The following TMTC2 variants were observed in gnomAD, a reference collection of about 807,000 sequenced individuals.
The protein encoded by TMTC2 is protein O-mannosyl-transferase TMTC2.
A neutral mutation model predicts 82.4 loss-of-function variants in TMTC2; 43 were observed. The observed-to-expected ratio is 0.52, with a 90% CI of 0.41 to 0.67. The LOEUF (loss-of-function observed/expected upper bound fraction) is 0.67, where lower values mean the gene tolerates loss of function less well. Among genes scored for constraint, TMTC2 ranks in the 30% least tolerant of loss-of-function variants. The pLI, the probability that TMTC2 is intolerant of heterozygous loss-of-function variation, is 0.00. For synonymous variants in TMTC2, 408 were observed against 381.9 expected (o/e 1.07, Z -0.80); for missense variants, 919 against 1,012.4 (o/e 0.91, Z 1.25).
intron 2 of TMTC2, among the ~76,000 whole-genome samples, chr12:82,880,345 A>G (rs1872761728): frequency 6.6e-6 from 1 of 152,172 alleles, no homozygotes; most frequent in South Asian, 2.1e-4. Flanking sequence ...CAATGTTAAG[A>G]CTTTTTATCC....
chr12:83,076,925 A>C (rs1257586597), intron 11 of TMTC2, among the ~76,000 whole-genome samples: 3 of 152,182 alleles, frequency 2.0e-5, no homozygotes, highest in Non-Finnish European at 4.4e-5. Context: ...AACATTAGGC[A>C]CATCATGAAA....
intron 9 of TMTC2, among the ~76,000 whole-genome samples, chr12:83,042,041 C>T (rs1881914960): frequency 6.6e-6 from 1 of 152,192 alleles, no homozygotes; most frequent in African/African-American, 2.4e-5. Context: ...TATTCTTCTG[C>T]CTTAATTAAA....
intron 8 of TMTC2, among the ~76,000 whole-genome samples, chr12:83,008,438 T>C (rs373457017): frequency 6.6e-6 from 1 of 152,210 alleles, no homozygotes; most frequent in Non-Finnish European, 1.5e-5. Context: ...CACTGATTCT[T>C]TCCTTAGCCA....
chr12:82,892,164 G>A (rs375658681), intron 2 of TMTC2, among the ~76,000 whole-genome samples: 5 of 152,112 alleles, frequency 3.3e-5, no homozygotes, highest in African/African-American at 7.2e-5. Context: ...CTTCAGAACC[G>A]TAGTATCTTT....
At chr12:83,079,599 A>G (rs1883396765) in intron 11 of TMTC2, among the ~76,000 whole-genome samples, 1 of 152,156 alleles carries the variant, frequency 6.6e-6, no homozygotes, top group African/African-American at 2.4e-5. Flanking sequence ...AGCAAATTAG[A>G]CAGACCAGCA....
intron 1 of TMTC2, among the ~76,000 whole-genome samples, chr12:82,853,937 G>GT (rs368710876): frequency 0.041 from 5,943 of 143,366 alleles, 377 homozygotes; most frequent in African/African-American, 0.14. Flanking sequence ...TTTGGCAGTT[G>GT]TTTTTTTTTT....
chr12:82,704,467 G>GTGTATGTCTGT (rs1873246620), intron 1 of TMTC2, among the ~76,000 whole-genome samples: 1 of 152,024 alleles, frequency 6.6e-6, no homozygotes, highest in South Asian at 2.1e-4. Flanking sequence ...TACTGCATTT[G>GTGTATGTCTGT]AAGAAAATCT....
chr12:83,006,878 T>C (rs1009876984), intron 8 of TMTC2, among the ~76,000 whole-genome samples: 1 of 152,082 alleles, frequency 6.6e-6, no homozygotes, highest in African/African-American at 2.4e-5. Flanking sequence ...GCATGTTCGT[T>C]CTCACTCATA....
rs189346337 is a variant in TMTC2, at chr12:83,055,324, G to A, written c.2267+4306G>A. 2.6e-3 allele frequency among the ~76,000 whole-genome samples: 392 copies of A among 152,042 alleles called. 2 individuals carry two copies. Among genetic ancestry groups the A allele is most frequent in the Middle Eastern group, 6.8e-3 (2 of 294 alleles). On this transcript the variant is annotated intron_variant, in intron 10 of 11. Coordinates refer to ENST00000321196, the MANE Select transcript of TMTC2 (RefSeq NM_152588.3). ...GGCTGATTACCAATTGTATTCATAG[G>A]GAAGATGATCACAGATGTTGAGTGG...
intron 10 of TMTC2, among the ~76,000 whole-genome samples, chr12:83,055,893 T>C (rs1389059611): frequency 6.6e-6 from 1 of 152,022 alleles, no homozygotes; most frequent in Non-Finnish European, 1.5e-5. Flanking sequence ...TCCTATCTTA[T>C]AGATGAGCAT....
intron 11 of TMTC2, among the ~76,000 whole-genome samples, chr12:83,100,727 G>C (rs1449227731): frequency 6.6e-6 from 1 of 152,002 alleles, no homozygotes; most frequent in Non-Finnish European, 1.5e-5. Context: ...TCTAAAGAAT[G>C]TATGTGGGCC....
chr12:82,687,486 G>C lies in TMTC2; in HGVS notation c.-101G>C. 1 of 1,140,354 alleles carries C rather than the reference G, an allele frequency of 8.8e-7. No homozygotes were observed. Among genetic ancestry groups the C allele is most frequent in the South Asian group, 1.4e-5 (1 of 71,700 alleles). 70.6% of individuals were successfully genotyped at this position (1,140,354 alleles called of 1,614,324 possible). Reference sequence around the variant, plus strand: ...GGGGAAGCGAGGGAAAAGTGAAGCTGGGAGGAGAAGGCGGCGGAAGGTGGA... The same window carrying C: ...GGGGAAGCGAGGGAAAAGTGAAGCTCGGAGGAGAAGGCGGCGGAAGGTGGA... On this transcript the variant is annotated 5_prime_UTR_variant, in exon 1 of 12. Coordinates refer to ENST00000321196, the MANE Select transcript of TMTC2 (RefSeq NM_152588.3).
At chr12:82,751,728 T>C (rs1876018409) in intron 1 of TMTC2, among the ~76,000 whole-genome samples, 1 of 152,192 alleles carries the variant, frequency 6.6e-6, no homozygotes, top group Admixed American at 6.5e-5. Flanking sequence ...TGTATGTGAA[T>C]ATTAAGATTC....
intron 1 of TMTC2, among the ~76,000 whole-genome samples, chr12:82,817,584 A>T (rs1308483486): frequency 6.6e-6 from 1 of 152,114 alleles, no homozygotes; most frequent in Non-Finnish European, 1.5e-5. Flanking sequence ...AGTGTTTACT[A>T]CTGGTGCCTT....
intron 11 of TMTC2, among the ~76,000 whole-genome samples, chr12:83,086,909 G>A (rs1883679965): frequency 6.6e-6 from 1 of 152,130 alleles, no homozygotes; most frequent in African/African-American, 2.4e-5. Context: ...GCTGAAGGCT[G>A]GGCTGGCTGT....
chr12:82,722,703 C>G (rs1392525234), intron 1 of TMTC2, among the ~76,000 whole-genome samples: 2 of 152,056 alleles, frequency 1.3e-5, no homozygotes, highest in African/African-American at 4.8e-5. Context: ...GATCATCCCA[C>G]TGCATTTCGG....
intron 8 of TMTC2, among the ~76,000 whole-genome samples, chr12:83,004,838 C>CGCGAAGCA (rs1228118119): frequency 7.5e-6 from 1 of 132,770 alleles, no homozygotes; most frequent in Non-Finnish European, 1.5e-5. Context: ...GGCTGGCAGG[C>CGCGAAGCA]GCGAAGCAGG....
intron 11 of TMTC2, among the ~76,000 whole-genome samples, chr12:83,088,603 A>G (rs1177977534): frequency 1.3e-5 from 2 of 152,214 alleles, no homozygotes; most frequent in African/African-American, 4.8e-5. Context: ...CCCGAGGAGA[A>G]GGAGAAAGAT....
At chr12:82,872,974 A>T (rs942728842) in intron 2 of TMTC2, among the ~76,000 whole-genome samples, 19 of 152,296 alleles carry the variant, frequency 1.2e-4, no homozygotes, top group African/African-American at 4.6e-4. Flanking sequence ...ATATATGAAT[A>T]TTTACAGTAA....
Sources: gnomAD v4.1 joint callset for allele counts (sites outside exome capture counted in the v4.1 genomes callset) on GRCh38, gnomAD v4.1.1 for gene constraint, MANE v1.5 for transcripts, NCBI Gene and HGNC (gene_info 2026-07-23, HGNC 2026-07-21) for gene names.